Variants in AKAP12 observed in about 807,000 individuals in gnomAD.
The protein encoded by AKAP12 is A-kinase anchor protein 12.
In AKAP12, 32 loss-of-function variants were observed where a neutral mutation model predicts 79.9. The observed-to-expected ratio is 0.40, with a 90% CI of 0.30 to 0.54. AKAP12 has a LOEUF of 0.54. AKAP12 is among the 20% of genes least tolerant of loss of function. The pLI is 0.48. For missense variants in AKAP12, 2,074 were observed against 2,177.0 expected, an observed-to-expected ratio of 0.95 and a Z score of 0.94; for synonymous variants, 808 against 857.0, an observed-to-expected ratio of 0.94 and a Z score of 1.00.
intron 3 of AKAP12, among the ~76,000 whole-genome samples, chr6:151,334,691 G>A (rs1157980244): frequency 6.6e-6 from 1 of 151,124 alleles, no homozygotes; most frequent in African/African-American, 2.4e-5. Flanking sequence ...GCGCGATCTC[G>A]GCTCACGGCA....
At chr6:151,279,261 G>T (rs1243135513) in intron 2 of AKAP12, among the ~76,000 whole-genome samples, 2 of 152,108 alleles carry the variant, frequency 1.3e-5, no homozygotes, top group Non-Finnish European at 2.9e-5. Context: ...CTTTTTTTAA[G>T]AAAGTAGGGA....
chr6:151,246,399 C>T (rs1445486959), intron 2 of AKAP12, among the ~76,000 whole-genome samples: 1 of 152,170 alleles, frequency 6.6e-6, no homozygotes, highest in Non-Finnish European at 1.5e-5. Flanking sequence ...GCCTGGGTGA[C>T]AGTGCAAGAC....
intron 3 of AKAP12, among the ~76,000 whole-genome samples, chr6:151,342,537 G>T (rs930458288): frequency 6.6e-6 from 1 of 152,164 alleles, no homozygotes; most frequent in African/African-American, 2.4e-5. Context: ...CAGAGGGTAC[G>T]TGGAGGCCGA....
At chr6:151,246,067 T>C (rs1797069607) in intron 2 of AKAP12, among the ~76,000 whole-genome samples, 1 of 152,228 alleles carries the variant, frequency 6.6e-6, no homozygotes, top group Non-Finnish European at 1.5e-5. Flanking sequence ...TGGGTTTATA[T>C]TTAGATTGTC....
At chr6:151,325,115 A>C (rs1275386077) in intron 3 of AKAP12, 1 of 985,304 alleles carries the variant, frequency 1.0e-6, no homozygotes, top group African/African-American at 1.7e-5. Context: ...CTTCTCAAAG[A>C]GTTTAGGAAA....
intron 3 of AKAP12, among the ~76,000 whole-genome samples, chr6:151,318,811 T>C (rs1336822316): frequency 2.0e-5 from 3 of 152,014 alleles, no homozygotes; most frequent in Non-Finnish European, 4.4e-5. Context: ...GGTGTGGTGT[T>C]GCATGCCTGT....
At chr6:151,291,811 C>T (rs1776628697) in intron 2 of AKAP12, among the ~76,000 whole-genome samples, 1 of 152,126 alleles carries the variant, frequency 6.6e-6, no homozygotes, top group South Asian at 2.1e-4. Flanking sequence ...GTTTTTTTCA[C>T]ATATAAGGAG....
intron 3 of AKAP12, among the ~76,000 whole-genome samples, chr6:151,313,053 A>G (rs990775078): frequency 2.0e-5 from 3 of 152,192 alleles, no homozygotes; most frequent in South Asian, 2.1e-4. Flanking sequence ...CTCTGTATCA[A>G]TTCATTTCCT....
chr6:151,310,764 A>G (rs950740621), intron 3 of AKAP12, among the ~76,000 whole-genome samples: 14 of 152,230 alleles, frequency 9.2e-5, no homozygotes, highest in African/African-American at 3.4e-4. Context: ...TGCCATATAC[A>G]AGTAATCCAG....
At chr6:151,305,071 T>C (rs569035436) in intron 2 of AKAP12, among the ~76,000 whole-genome samples, 39 of 152,196 alleles carry the variant, frequency 2.6e-4, no homozygotes, top group African/African-American at 9.2e-4. Flanking sequence ...ACCCCGTTTA[T>C]CCTTTTCTTA....
At chr6:151,286,653 T>C (rs1168518067) in intron 2 of AKAP12, among the ~76,000 whole-genome samples, 2 of 152,204 alleles carry the variant, frequency 1.3e-5, no homozygotes, top group African/African-American at 4.8e-5. Context: ...ATGAATCCTT[T>C]CCATTGAGGT....
At position 151,349,837 on chromosome 6, in the gene AKAP12, C is replaced by T. The variant is rs1778227137; in HGVS notation, c.1446C>T (p.Leu482=). The change falls in exon 4 of 5, where the codon CTC becomes CTT. Residue 482 remains leucine (L), a synonymous_variant. Transcript: ENST00000402676. ...AGGACCCTACACAGGGAGCTGACCT[C>T]AGTCCTGATGAGAAGGTGCTGTCCA... ...SGEDPTQGAD[L]SPDEKVLSKP... is the part of the protein sequence containing the mutation. 1 of 1,614,024 alleles carries T rather than the reference C, an allele frequency of 6.2e-7. No individual in the cohort carries two copies. The highest frequency in any genetic ancestry group is 1.1e-5 in the South Asian group (1 of 91,080).
At chr6:151,288,992 G>A (rs932732260) in intron 2 of AKAP12, among the ~76,000 whole-genome samples, 7 of 152,310 alleles carry the variant, frequency 4.6e-5, no homozygotes, top group African/African-American at 1.7e-4. Flanking sequence ...ATGCACTTGT[G>A]TAAGATCACT....
chr6:151,261,285 T>C (rs762728158), intron 2 of AKAP12, among the ~76,000 whole-genome samples: 90 of 151,658 alleles, frequency 5.9e-4, no homozygotes, highest in Non-Finnish European at 9.6e-4. Flanking sequence ...GGCAGGAGAA[T>C]CGTTTGAACC....
rs922007404 is a variant in AKAP12, at chr6:151,341,827, G to T, written c.320-6884G>T. 7.0e-6 allele frequency: 9 copies of T among 1,280,826 alleles called. No homozygotes were observed. In the Admixed American group the frequency reaches 1.2e-4, roughly 16 times the overall value. The allele number at this position is 1,280,826 out of a possible 1,614,324, so 79.3% of individuals were successfully genotyped here. On this transcript the variant is annotated intron_variant, in intron 3 of 4. Coordinates refer to ENST00000402676, the MANE Select transcript of AKAP12 (RefSeq NM_005100.4). ...CCAGCCTCCTTCCTTCCCGTCCCAG[G>T]CTTGGGAAAGCCTCTCTACTGGCCA...
chr6:151,254,262 C>G (rs1220818271), intron 2 of AKAP12, among the ~76,000 whole-genome samples: 1 of 152,002 alleles, frequency 6.6e-6, no homozygotes, highest in Non-Finnish European at 1.5e-5. Flanking sequence ...GGGCAAAAAC[C>G]CAGTTGATTG....
At chr6:151,334,074 A>T (rs1329671436) in intron 3 of AKAP12, among the ~76,000 whole-genome samples, 3 of 152,164 alleles carry the variant, frequency 2.0e-5, no homozygotes, top group Non-Finnish European at 4.4e-5. Context: ...GTTCAAGACC[A>T]GCCTGGGCAA....
rs11415941 is a variant in AKAP12 at position 151,321,903 on chromosome 6, G to GTTTT, written c.319+16022_319+16025dup. ...TTTAAACCAGGCACATCAGCTTTATGTTTTTTTTTTTTTTTTTTTTTTTTT... is the reference window on the plus strand; with the variant it reads ...TTTAAACCAGGCACATCAGCTTTATGTTTTTTTTTTTTTTTTTTTTTTTTTTTTT... On this transcript the variant is annotated intron_variant, in intron 3 of 4. Transcript: ENST00000402676. 3.3e-3 allele frequency among the ~76,000 whole-genome samples: 225 copies of GTTTT among 67,274 alleles called. 13 individuals carry two copies. Among genetic ancestry groups the GTTTT allele is most frequent in the African/African-American group, 0.01 (165 of 16,194 alleles). 44.1% of individuals were successfully genotyped at this position (67,274 alleles called of 152,430 possible). A position where few individuals can be genotyped will look rare whatever the true frequency, so the allele number is the denominator to read the frequency against.
chr6:151,325,285 A>C, intron 3 of AKAP12: 2 of 985,450 alleles, frequency 2.0e-6, no homozygotes, highest in Non-Finnish European at 2.4e-6. Flanking sequence ...GCAGTCTTTA[A>C]AATGGAGGGA....
Sources: allele counts gnomAD v4.1 joint callset (sites outside exome capture counted in the v4.1 genomes callset), GRCh38; gene constraint gnomAD v4.1.1; transcripts MANE v1.5; gene names NCBI Gene and HGNC (gene_info 2026-07-23, HGNC 2026-07-21).